The following FAM83E variants were observed in gnomAD, a reference collection of about 807,000 sequenced individuals.
FAM83E encodes the protein scaffolding CK1 anchoring protein E, also known as protein FAM83E.
FAM83E carries 29 observed loss-of-function variants against 34.3 expected under a neutral mutation model. The ratio of observed to expected loss-of-function variants is 0.85; its 90% confidence interval spans 0.63 to 1.15. The LOEUF (loss-of-function observed/expected upper bound fraction) is 1.15. Ranked by LOEUF, FAM83E falls within the 50% of genes most tolerant of loss-of-function variation. The pLI, the probability that FAM83E is intolerant of heterozygous loss-of-function variation, is 0.00. For missense variants in FAM83E, 697 were observed against 685.0 expected (o/e 1.02, Z -0.20); for synonymous variants, 312 against 311.6 (o/e 1.00, Z -0.01).
At position 48,613,154 on chromosome 19, in the gene FAM83E, G is replaced by A. The variant is rs781143329; in HGVS notation, c.219C>T (p.Asp73=). 5.0e-6 allele frequency: 8 copies of A among 1,611,918 alleles called. No individual in the cohort carries two copies. The African/African-American group carries it at 1.1e-4, about 22-fold the overall frequency. ...TGGGCTCCTGCTTGGCCACTGTCCA[G>A]TCTTCAGCTGCCGCTGCCAAGCCCT... ...EVQGLAAAAE[D]WTVAKQEPSG... is the part of the protein sequence containing the mutation. Residue 73 remains aspartate (D), a synonymous_variant, in exon 3 of 7, where the codon GAC becomes GAT. Coordinates refer to ENST00000263266, the MANE Select transcript of FAM83E (RefSeq NM_017708.4).
intron 5 of FAM83E, 23 bp downstream of exon 5, chr19:48,609,852 TG>T (rs766118716): frequency 7.1e-5 from 112 of 1,574,928 alleles, no homozygotes; most frequent in Middle Eastern, 1.8e-4. Context: ...CGCCGGGAGG[TG>T]GGGGGCGGGG....
rs1190405436 is a variant in FAM83E, at chr19:48,613,088, C to T, written c.285G>A (p.Ala95=). The T allele has an allele frequency of 1.6e-5, 26 of 1,609,456 alleles. No homozygotes were observed. The highest frequency in any genetic ancestry group is 1.9e-5 in the Non-Finnish European group (22 of 1,178,826). ...AEGATTTDVD[A]GSLSYWPGQS... ...GCCCAGGCCAGTAGCTCAGGCTGCC[C>T]GCGTCCACATCGGTGGTGGTGGCTC... The change falls in exon 3 of 7, where the codon GCG becomes GCA. Residue 95 remains alanine (A), a synonymous_variant. Transcript: ENST00000263266.
intron 3 of FAM83E, among the ~76,000 whole-genome samples, chr19:48,612,181 C>G (rs989010301): frequency 6.6e-6 from 1 of 152,128 alleles, no homozygotes; most frequent in African/African-American, 2.4e-5. Flanking sequence ...AGAAACCCTT[C>G]ACGTGGGAGC....
chr19:48,613,214 C>T lies in FAM83E; in HGVS notation c.159G>A (p.Glu53=), dbSNP rs762433651. 5 of 1,611,092 alleles carry T rather than the reference C, an allele frequency of 3.1e-6. No homozygotes were observed. The highest frequency in any genetic ancestry group is 2.7e-5 in the African/African-American group (2 of 74,946). ...AEAFQTCVQR[E]ELWPFLSADE... The stretch of plus-strand genomic sequence containing the variant: ...CCGCACTGAGGAAGGGCCACAGCTC[C>T]TCGCGCTGCACGCAGGTCTGGAACG... Residue 53 remains glutamate, a synonymous_variant, in exon 3 of 7, where the codon GAG becomes GAA. Coordinates refer to ENST00000263266, the MANE Select transcript of FAM83E (RefSeq NM_017708.4).
At chr19:48,605,456 TC>T (rs1973911489) in intron 5 of FAM83E, among the ~76,000 whole-genome samples, 1 of 152,052 alleles carries the variant, frequency 6.6e-6, no homozygotes, top group African/African-American at 2.4e-5. Flanking sequence ...ACGCCTATAG[TC>T]CCAGCTACTC....
At position 48,609,952 on chromosome 19, in the gene FAM83E, G is replaced by A. The variant is rs62130313; in HGVS notation, c.682C>T (p.Arg228Ter). 1.9e-6 allele frequency: 3 copies of A among 1,613,018 alleles called. No homozygotes were observed. Among genetic ancestry groups the A allele is most frequent in the South Asian group, 1.1e-5 (1 of 91,072 alleles). The change falls in exon 5 of 7, where the codon CGA becomes TGA. Residue 228 changes from arginine to a stop codon, truncating the protein, a stop_gained. Coordinates refer to ENST00000263266, the MANE Select transcript of FAM83E (RefSeq NM_017708.4). LOFTEE classifies it high-confidence loss of function. The part of the protein sequence containing the change: ...VRGCSFQSRW[R>*]RQVSGTVREK... ...CGCACGGTGCCGCTCACCTGCCGTC[G>A]CCAGCGGCTCTGGAAGCTGCAGCCC...
intron 6 of FAM83E, among the ~76,000 whole-genome samples, chr19:48,601,731 C>T (rs1973819980): frequency 6.6e-6 from 1 of 150,648 alleles, no homozygotes; most frequent in Non-Finnish European, 1.5e-5. Flanking sequence ...CGCCACCGCA[C>T]TCCAGCCTGG....
At chr19:48,610,883 G>C in intron 3 of FAM83E, 36 bp from the exon 4 acceptor site, 1 of 1,564,836 alleles carries the variant, frequency 6.4e-7, no homozygotes, top group South Asian at 1.2e-5. Flanking sequence ...GCTTGTGAAC[G>C]GAAGCTGGCT....
At chr19:48,602,985 G>C (rs1973857912) in intron 6 of FAM83E, among the ~76,000 whole-genome samples, 2 of 150,790 alleles carry the variant, frequency 1.3e-5, no homozygotes. Context: ...CGGAGTAGCT[G>C]GGACTACAGG....
At position 48,610,673 on chromosome 19, in the gene FAM83E, C is replaced by A. The variant is rs1365119846; in HGVS notation, c.633+7G>T. 3 of 1,560,032 alleles carry A rather than the reference C, an allele frequency of 1.9e-6. No individual in the cohort carries two copies. Among genetic ancestry groups the A allele is most frequent in the Non-Finnish European group, 2.6e-6 (3 of 1,152,322 alleles). Reference sequence around the variant, plus strand: ...GGACTCACAGGACCCCCTGGCCCGGCCCCTACCTCCGTGTTCCAGGGGTTC... The same window carrying A: ...GGACTCACAGGACCCCCTGGCCCGGACCCTACCTCCGTGTTCCAGGGGTTC... On this transcript the variant is annotated splice_region_variant and intron_variant, in intron 4 of 6. Transcript: ENST00000263266.
chr19:48,607,111 G>A lies in FAM83E; in HGVS notation c.758+2765C>T, dbSNP rs139463962. ...TACCTACATGCACTGTGGCGATGAC[G>A]AGGACTGCTTCACAGGCCACGGGGT... On this transcript the variant is annotated intron_variant, in intron 5 of 6. Coordinates refer to ENST00000263266, the MANE Select transcript of FAM83E (RefSeq NM_017708.4). The A allele has an allele frequency of 8.1e-6, 13 of 1,613,028 alleles. No homozygotes were observed. The Middle Eastern group carries it at 8.2e-4, about 102-fold the overall frequency.
In FAM83E at chr19:48,614,501, C is replaced by T. The variant is rs1974108936; in HGVS notation, c.-1129G>A. 1.0e-6 allele frequency: 1 copy of T among 985,522 alleles called. No individual in the cohort carries two copies. The highest frequency in any genetic ancestry group is 1.2e-6 in the Non-Finnish European group (1 of 830,076). 61.0% of individuals were successfully genotyped at this position (985,522 alleles called of 1,614,324 possible). A position where few individuals can be genotyped will look rare whatever the true frequency, so the allele number is the denominator to read the frequency against. ...CTCGCCCTGTCTCCCTCCCAAGCCT[C>T]AGTTATCCCCTTGAGGCTCCTGACC... On this transcript the variant is annotated 5_prime_UTR_variant, in exon 3 of 7. The change abolishes the stop of an existing upstream ORF in the 5' untranslated region. Transcript: ENST00000263266.
Position 48,601,275 on chromosome 19 carries a change from C to T in FAM83E, c.1271G>A (p.Arg424Gln), listed in dbSNP as rs755403654. Reference sequence around the variant, plus strand: ...GGGCAGGGCACCGCCCCACGGAGGTCGGGAGTCCACTTCCCCCCAGGGGCC... The same window carrying T: ...GGGCAGGGCACCGCCCCACGGAGGTTGGGAGTCCACTTCCCCCCAGGGGCC... ...GGGPWGEVDS[R>Q]PPWGGALPLP... The change falls in exon 7 of 7, where the codon CGA becomes CAA. Residue 424 changes from arginine (R) to glutamine (Q), a missense_variant. By Grantham distance (43) the Arg-to-Gln change is conservative. Transcript: ENST00000263266. 3.8e-5 allele frequency: 60 copies of T among 1,588,074 alleles called. No individual in the cohort carries two copies. Among genetic ancestry groups the T allele is most frequent in the Admixed American group, 8.9e-5 (5 of 55,868 alleles).
In FAM83E at chr19:48,614,011, ATC is replaced by A. The variant is rs992211966; in HGVS notation, c.-641_-640del. 5.5e-5 allele frequency: 54 copies of A among 985,270 alleles called. No homozygotes were observed. Among genetic ancestry groups the A allele is most frequent in the Middle Eastern group, 5.2e-4 (1 of 1,936 alleles). The allele number at this position is 985,270 out of a possible 1,614,324, so 61.0% of individuals were successfully genotyped here. On this transcript the variant is annotated 5_prime_UTR_variant, in exon 3 of 7. In the 5' UTR this introduces an upstream ATG that the reference lacks. Coordinates refer to ENST00000263266, the MANE Select transcript of FAM83E (RefSeq NM_017708.4). ...AGTCACAGTATCTGCCTGTTGGAGC[ATC>A]TGTCTCTGGCCAAATCTGACAGCCC...
intron 5 of FAM83E, chr19:48,607,441 A>G (rs1973955668): frequency 1.4e-6 from 2 of 1,471,172 alleles, no homozygotes; most frequent in Non-Finnish European, 1.8e-6. Flanking sequence ...ATGGCCAGAG[A>G]GGCCCTGGAC....
intron 3 of FAM83E, 77 bp downstream of exon 3, chr19:48,612,831 C>G: frequency 6.9e-7 from 1 of 1,444,294 alleles, no homozygotes; most frequent in Non-Finnish European, 9.2e-7. Flanking sequence ...CTTGCAAGTC[C>G]CAGGAGGACA....
At position 48,614,044 on chromosome 19, in the gene FAM83E, A is replaced by G. The variant is rs1426211319; in HGVS notation, c.-672T>C. 1.0e-6 allele frequency: 1 copy of G among 985,538 alleles called. No homozygotes were observed. 61.0% of individuals were successfully genotyped at this position (985,538 alleles called of 1,614,324 possible). A position where few individuals can be genotyped will look rare whatever the true frequency, so the allele number is the denominator to read the frequency against. On this transcript the variant is annotated 5_prime_UTR_variant, in exon 3 of 7. Transcript: ENST00000263266. ...CTGGCCAAATCTGACAGCCCCCACG[A>G]GTTTCTCCTGCTCATCAGCTCTCAC...
rs1974122444 is a variant in FAM83E, at chr19:48,614,868, G to T, written c.-1387-29C>A. 4 of 909,706 alleles carry T rather than the reference G, an allele frequency of 4.4e-6. No individual in the cohort carries two copies. In the South Asian group the frequency reaches 1.5e-4, roughly 34 times the overall value. The allele number at this position is 909,706 out of a possible 1,614,324, so 56.4% of individuals were successfully genotyped here. On this transcript the variant is annotated intron_variant, in intron 1 of 6. Coordinates refer to ENST00000263266, the MANE Select transcript of FAM83E (RefSeq NM_017708.4). ...GAATCCAGGGAGCCCGGCCCCTTGT[G>T]TAAACACAGGAGGGCCCCCACAGGC... is the stretch of plus-strand genomic sequence containing the variant.
chr19:48,614,512 T>C lies in FAM83E; in HGVS notation c.-1140A>G, dbSNP rs566938352. The C allele has an allele frequency of 4.1e-6, 4 of 985,520 alleles. No homozygotes were observed. Among genetic ancestry groups the C allele is most frequent in the South Asian group, 9.4e-5 (2 of 21,288 alleles). 61.0% of individuals were successfully genotyped at this position (985,520 alleles called of 1,614,324 possible). On this transcript the variant is annotated 5_prime_UTR_variant, in exon 3 of 7. Coordinates refer to ENST00000263266, the MANE Select transcript of FAM83E (RefSeq NM_017708.4). ...TCCCTCCCAAGCCTCAGTTATCCCC[T>C]TGAGGCTCCTGACCCAACCTCGGGG... is the stretch of plus-strand genomic sequence containing the variant.
Sources: gnomAD v4.1 joint callset for allele counts (sites outside exome capture counted in the v4.1 genomes callset) on GRCh38, gnomAD v4.1.1 for gene constraint, MANE v1.5 for transcripts, NCBI Gene and HGNC (gene_info 2026-07-23, HGNC 2026-07-21) for gene names.